The following ANKRD33B variants were observed in gnomAD, a reference collection of about 807,000 sequenced individuals.
ANKRD33B encodes the protein ankyrin repeat domain 33B, also known as ankyrin repeat domain-containing protein 33B.
A neutral mutation model predicts 21.5 loss-of-function variants in ANKRD33B; 6 were observed. The ratio of observed to expected loss-of-function variants is 0.28; its 90% CI spans 0.15 to 0.55. The LOEUF is 0.55. Ranked by LOEUF, ANKRD33B falls within the 20% of genes least tolerant of loss-of-function variation. The pLI, the probability that ANKRD33B is intolerant of heterozygous loss-of-function variation, is 0.94. For missense variants in ANKRD33B, 698 were observed against 747.2 expected (o/e 0.93, Z 0.77); for synonymous variants, 347 against 342.4 (o/e 1.01, Z -0.15).
chr5:10,631,714 G>A (rs1347827541), intron 2 of ANKRD33B, among the ~76,000 whole-genome samples: 12 of 152,212 alleles, frequency 7.9e-5, no homozygotes, highest in African/African-American at 4.8e-5. Flanking sequence ...ATCGAGCTCC[G>A]TGCCTCTCCC....
At chr5:10,610,041 T>C (rs1191165940) in intron 1 of ANKRD33B, among the ~76,000 whole-genome samples, 1 of 152,152 alleles carries the variant, frequency 6.6e-6, no homozygotes, top group East Asian at 1.9e-4. Context: ...AATAGATGCA[T>C]GGAAAGGTGG....
chr5:10,649,242 C>A (rs1737261699), intron 3 of ANKRD33B, 24 bp from the exon 4 acceptor site: 4 of 1,503,246 alleles, frequency 2.7e-6, no homozygotes, highest in Non-Finnish European at 3.6e-6. Flanking sequence ...CCACCCACTT[C>A]TGTTTGTGTT....
intron 1 of ANKRD33B, among the ~76,000 whole-genome samples, chr5:10,571,023 T>A (rs1020279139): frequency 2.0e-5 from 3 of 152,006 alleles, no homozygotes; most frequent in African/African-American, 7.3e-5. Context: ...ATTATTATTA[T>A]TATTGGTCAG....
At chr5:10,624,129 TC>T (rs369687240) in intron 2 of ANKRD33B, among the ~76,000 whole-genome samples, 1 of 149,714 alleles carries the variant, frequency 6.7e-6, no homozygotes, top group African/African-American at 2.5e-5. Context: ...TTCTTTCTTT[TC>T]TTTTTTTTTT....
rs1187232977 is a variant in ANKRD33B, at chr5:10,654,338, C to T, written c.*4225C>T. On this transcript the variant is annotated 3_prime_UTR_variant, in exon 4 of 4. Coordinates refer to ENST00000296657, the MANE Select transcript of ANKRD33B (RefSeq NM_001164440.2). ...GTGCACAGGGGTGGGGCTCGGGATC[C>T]CTCCCTGCACCCTGATGTTTATTAA... The T allele has an allele frequency of 2.0e-5, 3 of 152,374 alleles. No individual in the cohort carries two copies. The highest frequency in any genetic ancestry group is 4.4e-5 in the Non-Finnish European group (3 of 68,050). 9.4% of individuals were successfully genotyped at this position (152,374 alleles called of 1,614,324 possible).
In ANKRD33B at chr5:10,576,238, A is replaced by G. The variant is rs1011835619; in HGVS notation, c.366+11405A>G. Among the ~76,000 whole-genome samples the G allele has an allele frequency of 6.6e-6, 1 of 152,202 alleles. No individual in the cohort carries two copies. The highest frequency in any genetic ancestry group is 1.5e-5 in the Non-Finnish European group (1 of 68,032). ...TCCATGAATCGATTGAATTTTGGAC[A>G]TGAAAGCAGGGTCAGACCTAGTTAT... On this transcript the variant is annotated intron_variant, in intron 1 of 3. Coordinates refer to ENST00000296657, the MANE Select transcript of ANKRD33B (RefSeq NM_001164440.2). The surrounding 1 kb of genome is among the most constrained non-coding windows in gnomAD (Gnocchi z 4.1).
intron 1 of ANKRD33B, among the ~76,000 whole-genome samples, chr5:10,593,182 TATTA>T (rs1397820019): frequency 1.6e-5 from 1 of 63,688 alleles, no homozygotes; most frequent in East Asian, 1.1e-3. Flanking sequence ...CTAACCCTTA[TATTA>T]TAACACTACA....
intron 1 of ANKRD33B, among the ~76,000 whole-genome samples, chr5:10,599,638 C>T (rs1735889766): frequency 6.6e-6 from 1 of 152,058 alleles, no homozygotes; most frequent in South Asian, 2.1e-4. Flanking sequence ...GCTCAGTGTT[C>T]ATCTATATTA....
At chr5:10,614,279 T>G (rs1736236923) in intron 1 of ANKRD33B, among the ~76,000 whole-genome samples, 1 of 152,190 alleles carries the variant, frequency 6.6e-6, no homozygotes, top group Non-Finnish European at 1.5e-5. Context: ...TTCCTCAAAG[T>G]CTGTTGATTT....
At chr5:10,616,524 A>G (rs1736287634) in intron 1 of ANKRD33B, among the ~76,000 whole-genome samples, 1 of 145,934 alleles carries the variant, frequency 6.9e-6, no homozygotes, top group African/African-American at 2.6e-5. Flanking sequence ...AAATCGCACC[A>G]TTGCACTCTA....
intron 1 of ANKRD33B, among the ~76,000 whole-genome samples, chr5:10,594,180 C>T (rs1309709138): frequency 2.0e-5 from 3 of 149,544 alleles, no homozygotes; most frequent in East Asian, 2.0e-4. Context: ...GATTGATCTC[C>T]AATACTGCAG....
rs1240715485 is a variant in ANKRD33B, at chr5:10,651,753, C to A, written c.*1640C>A. ...CAGGCAGGGCTGGTGCAGGCTTCTC[C>A]ATACTCCCTTCCACTTGGCACCAGC... is the stretch of plus-strand genomic sequence containing the variant. On this transcript the variant is annotated 3_prime_UTR_variant, in exon 4 of 4. Transcript: ENST00000296657. The A allele has an allele frequency of 6.6e-6, 1 of 152,462 alleles. No individual in the cohort carries two copies. The highest frequency in any genetic ancestry group is 6.5e-5 in the Admixed American group (1 of 15,286). 9.4% of individuals were successfully genotyped at this position (152,462 alleles called of 1,614,324 possible). A position where few individuals can be genotyped will look rare whatever the true frequency, so the allele number is the denominator to read the frequency against.
Position 10,650,207 on chromosome 5 carries a change from A to G in ANKRD33B, c.*94A>G. The G allele has an allele frequency of 1.5e-6, 2 of 1,311,466 alleles. No homozygotes were observed. The highest frequency in any genetic ancestry group is 3.3e-5 in the South Asian group (2 of 61,154). 81.2% of individuals were successfully genotyped at this position (1,311,466 alleles called of 1,614,324 possible). A position where few individuals can be genotyped will look rare whatever the true frequency, so the allele number is the denominator to read the frequency against. ...AGGAGGCGGCCCCGTTGCGCATCGC[A>G]CCACTTCCGCTCCATGGACCACGGG... is the stretch of plus-strand genomic sequence containing the variant. On this transcript the variant is annotated 3_prime_UTR_variant, in exon 4 of 4. Transcript: ENST00000296657.
intron 2 of ANKRD33B, among the ~76,000 whole-genome samples, chr5:10,622,180 C>G (rs1736435622): frequency 6.6e-6 from 1 of 152,242 alleles, no homozygotes; most frequent in Non-Finnish European, 1.5e-5. Flanking sequence ...AGCTTAACTT[C>G]TAACCTTGTA....
At chr5:10,630,805 T>A (rs113791936) in intron 2 of ANKRD33B, among the ~76,000 whole-genome samples, 1 of 150,130 alleles carries the variant, frequency 6.7e-6, no homozygotes, top group Non-Finnish European at 1.5e-5. Context: ...CCCAGGAGGC[T>A]GAGGTTGCAG....
chr5:10,587,921 C>T (rs11737977), intron 1 of ANKRD33B, among the ~76,000 whole-genome samples: 135,388 of 152,236 alleles, frequency 0.89, 60,214 homozygotes, highest in Middle Eastern at 0.96. Context: ...TGTCTAAATA[C>T]GTCTCTTATT....
In ANKRD33B at chr5:10,650,234, C is replaced by A; in HGVS notation, c.*121C>A. The A allele has an allele frequency of 9.1e-7, 1 of 1,104,116 alleles. No individual in the cohort carries two copies. The highest frequency in any genetic ancestry group is 1.2e-6 in the Non-Finnish European group (1 of 837,418). The allele number at this position is 1,104,116 out of a possible 1,614,324, so 68.4% of individuals were successfully genotyped here. A position where few individuals can be genotyped will look rare whatever the true frequency, so the allele number is the denominator to read the frequency against. On this transcript the variant is annotated 3_prime_UTR_variant, in exon 4 of 4. Transcript: ENST00000296657. ...CACTTCCGCTCCATGGACCACGGGG[C>A]TGCGCGCATTTCCAGGCTGTTTGTC... is the stretch of plus-strand genomic sequence containing the variant.
Position 10,644,223 on chromosome 5 carries a change from G to A in ANKRD33B, c.638-5043G>A, listed in dbSNP as rs374887807. Among the ~76,000 whole-genome samples, 4 of 152,288 alleles carry A rather than the reference G, an allele frequency of 2.6e-5. No individual in the cohort carries two copies. The East Asian group carries it at 7.7e-4, about 29-fold the overall frequency. ...TCAGATTGTAATAAAAAGTATAACC[G>A]GGTTCTGAGAGGCTGATCGATTGCA... On this transcript the variant is annotated intron_variant, in intron 3 of 3. Transcript: ENST00000296657.
intron 3 of ANKRD33B, among the ~76,000 whole-genome samples, chr5:10,646,142 G>C: frequency 6.6e-6 from 1 of 152,172 alleles, no homozygotes; most frequent in East Asian, 1.9e-4. Context: ...AGAGGATTTT[G>C]TGTAGACTTA....
Sources: allele counts gnomAD v4.1 joint callset (sites outside exome capture counted in the v4.1 genomes callset), GRCh38; gene constraint gnomAD v4.1.1; non-coding constraint Gnocchi (gnomAD v3.1); transcripts MANE v1.5; gene names NCBI Gene and HGNC (gene_info 2026-07-23, HGNC 2026-07-21).